LRRC4C: variants seen among roughly 807,000 people sequenced by gnomAD.
LRRC4C encodes leucine rich repeat containing 4C.
Under a neutral mutation model 33.6 loss-of-function variants are expected in LRRC4C, and 5 were observed. The observed-to-expected ratio is 0.15, with a 90% CI of 0.08 to 0.31. The LOEUF is 0.31. LRRC4C is among the 10% of genes least tolerant of loss of function. The pLI is 1.00. For missense variants in LRRC4C, 560 were observed against 796.7 expected (o/e 0.70, Z 3.58); for synonymous variants, 329 against 302.0 (o/e 1.09, Z -0.93).
intron 5 of LRRC4C, among the ~76,000 whole-genome samples, chr11:40,162,313 T>C (rs541713755): frequency 1.3e-5 from 2 of 152,186 alleles, no homozygotes; most frequent in Non-Finnish European, 2.9e-5. Flanking sequence ...CATTTTTCTT[T>C]GGTGCAAAGG....
chr11:40,553,132 C>A (rs909671532), intron 3 of LRRC4C, among the ~76,000 whole-genome samples: 2 of 151,914 alleles, frequency 1.3e-5, no homozygotes, highest in African/African-American at 4.8e-5. Context: ...ATTAGCCCGG[C>A]GTAGTGACAG....
chr11:40,465,333 G>A (rs1952599485), intron 3 of LRRC4C, among the ~76,000 whole-genome samples: 1 of 152,132 alleles, frequency 6.6e-6, no homozygotes, highest in South Asian at 2.1e-4. Flanking sequence ...TGACTTAGAT[G>A]TAAGACCTGA....
At chr11:40,854,686 G>A (rs1953688216) in intron 2 of LRRC4C, among the ~76,000 whole-genome samples, 1 of 150,648 alleles carries the variant, frequency 6.6e-6, no homozygotes, top group African/African-American at 2.4e-5. Context: ...ATATGTTTGT[G>A]TAATTAAACA....
At chr11:40,470,926 G>A (rs897007562) in intron 3 of LRRC4C, among the ~76,000 whole-genome samples, 1 of 152,164 alleles carries the variant, frequency 6.6e-6, no homozygotes, top group Admixed American at 6.5e-5. Flanking sequence ...ACCTGAAAGT[G>A]ATGAGGAGAA....
intron 2 of LRRC4C, among the ~76,000 whole-genome samples, chr11:40,851,268 G>A (rs1953478018): frequency 6.6e-6 from 1 of 152,126 alleles, no homozygotes; most frequent in Admixed American, 6.5e-5. Context: ...TTGTGGTGTA[G>A]GCACCTGAGG....
At chr11:40,445,026 G>T (rs963978784) in intron 3 of LRRC4C, among the ~76,000 whole-genome samples, 7 of 152,014 alleles carry the variant, frequency 4.6e-5, no homozygotes, top group Admixed American at 2.6e-4. Flanking sequence ...TCAACTTTGG[G>T]GTCATCTGAC....
chr11:40,667,371 G>A (rs1024404158), intron 2 of LRRC4C, among the ~76,000 whole-genome samples: 1 of 152,110 alleles, frequency 6.6e-6, no homozygotes, highest in African/African-American at 2.4e-5. Flanking sequence ...GAAAATCGAT[G>A]TTCCTTCAAT....
intron 3 of LRRC4C, among the ~76,000 whole-genome samples, chr11:40,333,434 T>C (rs1288686720): frequency 6.6e-6 from 1 of 152,040 alleles, no homozygotes; most frequent in Non-Finnish European, 1.5e-5. Flanking sequence ...ATTGTAAATA[T>C]GGCCTGGCGT....
intron 2 of LRRC4C, among the ~76,000 whole-genome samples, chr11:40,792,914 A>T (rs1178359552): frequency 6.6e-6 from 1 of 151,654 alleles, no homozygotes; most frequent in Non-Finnish European, 1.5e-5. Context: ...GCATGTTCTC[A>T]CTCATAGGTG....
chr11:40,569,411 A>G (rs1455668958), intron 3 of LRRC4C, among the ~76,000 whole-genome samples: 1 of 152,168 alleles, frequency 6.6e-6, no homozygotes, highest in Non-Finnish European at 1.5e-5. Flanking sequence ...ACAGACTTGC[A>G]AAACCAGAGT....
chr11:40,590,533 C>T (rs2135729030), intron 3 of LRRC4C, among the ~76,000 whole-genome samples: 1 of 152,226 alleles, frequency 6.6e-6, no homozygotes, highest in African/African-American at 2.4e-5. Flanking sequence ...AACTGTGTTC[C>T]TTTGGAAGAG....
At chr11:41,170,956 C>T (rs1944948693) in intron 1 of LRRC4C, among the ~76,000 whole-genome samples, 1 of 152,094 alleles carries the variant, frequency 6.6e-6, no homozygotes. Context: ...TATGAACAGA[C>T]ACTTCTCAAA....
chr11:40,929,249 C>T (rs1957512158), intron 2 of LRRC4C, among the ~76,000 whole-genome samples: 1 of 152,148 alleles, frequency 6.6e-6, no homozygotes, highest in African/African-American at 2.4e-5. Flanking sequence ...ATCCATGCCA[C>T]ATTAATCCCA....
At chr11:41,367,948 C>A (rs892859018) in intron 1 of LRRC4C, among the ~76,000 whole-genome samples, 1 of 152,090 alleles carries the variant, frequency 6.6e-6, no homozygotes, top group African/African-American at 2.4e-5. Flanking sequence ...CTTACCCAAA[C>A]CAGGTTTTTG....
intron 3 of LRRC4C, among the ~76,000 whole-genome samples, chr11:40,621,835 C>G (rs577158884): frequency 1.7e-4 from 26 of 151,924 alleles, no homozygotes; most frequent in African/African-American, 5.3e-4. Context: ...TGTATTAACT[C>G]ACTTAACCAA....
At chr11:41,106,263 G>A (rs187220640) in intron 1 of LRRC4C, among the ~76,000 whole-genome samples, 1 of 152,066 alleles carries the variant, frequency 6.6e-6, no homozygotes, top group East Asian at 1.9e-4. Flanking sequence ...GTGTGTGTGT[G>A]TGTAGAAAAG....
chr11:41,196,809 CT>C (rs529735196), intron 1 of LRRC4C, among the ~76,000 whole-genome samples: 2 of 151,908 alleles, frequency 1.3e-5, no homozygotes, highest in Non-Finnish European at 2.9e-5. Context: ...TTCAGGTCAG[CT>C]TCACCAGGGA....
At chr11:41,084,064 G>T (rs1590488994) in intron 1 of LRRC4C, among the ~76,000 whole-genome samples, 1 of 152,118 alleles carries the variant, frequency 6.6e-6, no homozygotes, top group Non-Finnish European at 1.5e-5. Flanking sequence ...AATTTACAAG[G>T]CTTAAAGTGA....
intron 6 of LRRC4C, among the ~76,000 whole-genome samples, chr11:40,137,842 A>G (rs1446454997): frequency 6.6e-6 from 1 of 152,214 alleles, no homozygotes; most frequent in Non-Finnish European, 1.5e-5. Context: ...ATTTTAAACT[A>G]TAAGTATTAG....
Sources: gnomAD v4.1 joint callset for allele counts (sites outside exome capture counted in the v4.1 genomes callset) on GRCh38, gnomAD v4.1.1 for gene constraint, MANE v1.5 for transcripts, NCBI Gene and HGNC (gene_info 2026-07-23, HGNC 2026-07-21) for gene names.